Variants in ANKS1B observed in about 807,000 individuals in gnomAD.
ANKS1B encodes the protein ankyrin repeat and sterile alpha motif domain containing 1B.
Under a neutral mutation model 148.3 loss-of-function variants are expected in ANKS1B, and 36 were observed. The ratio of observed to expected loss-of-function variants is 0.24; its 90% CI spans 0.19 to 0.32. The LOEUF is 0.32. Ranked by LOEUF, ANKS1B falls within the 10% of genes least tolerant of loss-of-function variation. The probability of loss-of-function intolerance (pLI) is 1.00; values close to 1 mark genes in which losing one functional copy is unlikely to be tolerated. For missense variants in ANKS1B, 1,157 were observed against 1,542.6 expected (o/e 0.75, Z 4.19); for synonymous variants, 542 against 560.8 (o/e 0.97, Z 0.47).
At chr12:99,308,330 A>G (rs2082639602) in intron 12 of ANKS1B, among the ~76,000 whole-genome samples, 1 of 151,978 alleles carries the variant, frequency 6.6e-6, no homozygotes, top group Admixed American at 6.6e-5. Flanking sequence ...TCTTCCATGA[A>G]TTAGGTTGGT....
chr12:99,648,367 C>T (rs1473954317), intron 9 of ANKS1B: 2 of 1,614,138 alleles, frequency 1.2e-6, no homozygotes, highest in South Asian at 1.1e-5. Context: ...CGTGCACAAC[C>T]GTGCCCGAAT....
At chr12:99,204,817 ACTGT>A (rs1487577435) in intron 14 of ANKS1B, among the ~76,000 whole-genome samples, 16 of 152,214 alleles carry the variant, frequency 1.1e-4, no homozygotes, top group African/African-American at 2.9e-4. Flanking sequence ...AGTCTGTCAC[ACTGT>A]CTTATATTAT....
At chr12:99,749,560 AAAT>A (rs761705911) in intron 8 of ANKS1B, among the ~76,000 whole-genome samples, 8 of 152,126 alleles carry the variant, frequency 5.3e-5, no homozygotes, top group Non-Finnish European at 1.0e-4. Context: ...GAAAATCAGA[AAAT>A]AAGATATGGC....
chr12:99,552,945 C>A (rs1345814634), intron 9 of ANKS1B, among the ~76,000 whole-genome samples: 2 of 152,128 alleles, frequency 1.3e-5, no homozygotes, highest in Non-Finnish European at 2.9e-5. Context: ...ACACAACCAT[C>A]TATTTTTTTC....
At chr12:99,878,518 T>A (rs2092282444) in intron 1 of ANKS1B, among the ~76,000 whole-genome samples, 1 of 152,214 alleles carries the variant, frequency 6.6e-6, no homozygotes, top group Admixed American at 6.5e-5. Context: ...GTCCTAGCAA[T>A]TTTCCTTTTA....
intron 15 of ANKS1B, chr12:99,093,267 A>C (rs2054704944): frequency 6.6e-6 from 1 of 152,220 alleles, no homozygotes; most frequent in South Asian, 2.1e-4. Flanking sequence ...AAACTACCTT[A>C]GTGTATTCCA....
At chr12:99,333,596 G>T (rs992167751) in intron 12 of ANKS1B, among the ~76,000 whole-genome samples, 5 of 151,972 alleles carry the variant, frequency 3.3e-5, no homozygotes. Flanking sequence ...TGTGGAAGCC[G>T]CTGCATGCCT....
intron 12 of ANKS1B, among the ~76,000 whole-genome samples, chr12:99,269,907 G>A (rs967242593): frequency 6.6e-6 from 1 of 152,098 alleles, no homozygotes; most frequent in African/African-American, 2.4e-5. Flanking sequence ...TGATACCGGG[G>A]TACTTGATAA....
rs115552299 is a variant in ANKS1B, at chr12:98,858,846, C to G, written c.2779-26710G>C. Among the ~76,000 whole-genome samples, 941 of 152,300 alleles carry G rather than the reference C, an allele frequency of 6.2e-3. 9 individuals are homozygous for G. The highest frequency in any genetic ancestry group is 0.022 in the African/African-American group (904 of 41,562). On this transcript the variant is annotated intron_variant, in intron 17 of 26. Transcript: ENST00000683438. ...AAGATCTAACTAAACACAACCTTAG[C>G]ACTTCTCTCAATTTTCTTTGAAAAG...
At position 98,751,668 on chromosome 12, in the gene ANKS1B, A is replaced by G; in HGVS notation, c.3580-146T>C. ...GCAGCGATTCGGTGGAAATCTACAA[A>G]GAACAGGACACTCCGGGTCCAACTT... On this transcript the variant is annotated intron_variant, in intron 25 of 26. Coordinates refer to ENST00000683438, the MANE Select transcript of ANKS1B (RefSeq NM_001352186.2). This position sits in a 1 kb window ranked among gnomAD's most constrained non-coding sequence, Gnocchi z 4.3. The G allele has an allele frequency of 1.3e-6, 1 of 783,364 alleles. No homozygotes were observed. The highest frequency in any genetic ancestry group is 2.1e-6 in the Non-Finnish European group (1 of 474,102). The allele number at this position is 783,364 out of a possible 1,614,324, so 48.5% of individuals were successfully genotyped here.
Position 99,779,975 on chromosome 12 carries a change from G to C in ANKS1B, c.746-3C>G. 3 of 1,597,954 alleles carry C rather than the reference G, an allele frequency of 1.9e-6. No homozygotes were observed. Among genetic ancestry groups the C allele is most frequent in the Non-Finnish European group, 2.6e-6 (3 of 1,170,364 alleles). On this transcript the variant is annotated splice_region_variant and splice_polypyrimidine_tract_variant and intron_variant, in intron 5 of 26. Transcript: ENST00000683438. ...ATCCTTTATGTTGGCATCAATTCCTGAAAGAAAAAGAAAAACTCACTAGAT... is the reference window on the plus strand; with the variant it reads ...ATCCTTTATGTTGGCATCAATTCCTCAAAGAAAAAGAAAAACTCACTAGAT...
At chr12:98,805,946 A>G (rs776283291) in intron 20 of ANKS1B, among the ~76,000 whole-genome samples, 3 of 152,208 alleles carry the variant, frequency 2.0e-5, no homozygotes, top group Non-Finnish European at 4.4e-5. Flanking sequence ...ATCTCGGTTC[A>G]TTGCAACCTC....
chr12:99,690,486 A>G (rs1377596666), intron 8 of ANKS1B, among the ~76,000 whole-genome samples: 1 of 152,200 alleles, frequency 6.6e-6, no homozygotes, highest in Non-Finnish European at 1.5e-5. Context: ...GTTACTTCCT[A>G]GATACAATGA....
At chr12:98,972,811 T>G (rs1341199759) in intron 17 of ANKS1B, among the ~76,000 whole-genome samples, 1 of 152,178 alleles carries the variant, frequency 6.6e-6, no homozygotes, top group Non-Finnish European at 1.5e-5. Context: ...GCTCCTAAAA[T>G]GCAGTCTAGA....
At position 98,848,743 on chromosome 12, in the gene ANKS1B, G is replaced by GTTTTTTTTTTTTTTTTTTTT. The variant is rs10695483; in HGVS notation, c.2779-16608_2779-16607insAAAAAAAAAAAAAAAAAAAA. Among the ~76,000 whole-genome samples, 16 of 48,088 alleles carry GTTTTTTTTTTTTTTTTTTTT rather than the reference G, an allele frequency of 3.3e-4. 5 individuals are homozygous for GTTTTTTTTTTTTTTTTTTTT. Among genetic ancestry groups the GTTTTTTTTTTTTTTTTTTTT allele is most frequent in the Non-Finnish European group, 3.9e-4 (11 of 28,338 alleles). The allele number at this position is 48,088 out of a possible 152,430, so 31.5% of individuals were successfully genotyped here. A position where few individuals can be genotyped will look rare whatever the true frequency, so the allele number is the denominator to read the frequency against. The stretch of plus-strand genomic sequence containing the variant: ...CTGGATTAATTTCTGTGTATGTGTG[G>GTTTTTTTTTTTTTTTTTTTT]TTTTTTTTTTTTTGAGACGGAGTCT... On this transcript the variant is annotated intron_variant, in intron 17 of 26. Coordinates refer to ENST00000683438, the MANE Select transcript of ANKS1B (RefSeq NM_001352186.2).
intron 8 of ANKS1B, among the ~76,000 whole-genome samples, chr12:99,677,350 G>GT (rs150012877): frequency 0.025 from 3,701 of 145,232 alleles, 64 homozygotes; most frequent in Non-Finnish European, 0.037. Context: ...TTATTTTTTT[G>GT]TTTTTTTTCC....
At chr12:98,941,765 G>A (rs540232690) in intron 17 of ANKS1B, among the ~76,000 whole-genome samples, 1 of 152,216 alleles carries the variant, frequency 6.6e-6, no homozygotes, top group South Asian at 2.1e-4. Flanking sequence ...TTGTATTATT[G>A]TATAAGTAGG....
intron 9 of ANKS1B, among the ~76,000 whole-genome samples, chr12:99,645,737 C>G (rs891985469): frequency 1.3e-5 from 2 of 152,130 alleles, no homozygotes; most frequent in African/African-American, 4.8e-5. Flanking sequence ...AGTCTTGAGG[C>G]AAATGCTAAA....
chr12:99,075,523 A>C lies in ANKS1B; in HGVS notation c.2625+9402T>G, dbSNP rs1314573914. Among the ~76,000 whole-genome samples the C allele has an allele frequency of 4.6e-5, 7 of 152,188 alleles. No homozygotes were observed. The East Asian group carries it at 1.3e-3, about 29-fold the overall frequency. On this transcript the variant is annotated intron_variant, in intron 16 of 26. Transcript: ENST00000683438. The stretch of plus-strand genomic sequence containing the variant: ...CATACTGTGTGCCAGGCTAAGGAAT[A>C]ATAAAAGGGATCTGAATGACTTGCT...
Sources: allele counts gnomAD v4.1 joint callset (sites outside exome capture counted in the v4.1 genomes callset), GRCh38; gene constraint gnomAD v4.1.1; non-coding constraint Gnocchi (gnomAD v3.1); transcripts MANE v1.5; gene names NCBI Gene and HGNC (gene_info 2026-07-23, HGNC 2026-07-21).